Variants in PACRG observed in about 807,000 individuals in gnomAD.
The protein encoded by PACRG is parkin coregulated gene protein.
PACRG carries 29 observed loss-of-function variants against 29.7 expected under a neutral mutation model. The observed-to-expected ratio is 0.98, with a 90% CI of 0.73 to 1.33. The LOEUF is 1.33. Ranked by LOEUF, PACRG falls within the 40% of genes most tolerant of loss-of-function variation. PACRG has a pLI of 0.00. For synonymous variants in PACRG, 116 were observed against 118.7 expected (o/e 0.98, Z 0.15); for missense variants, 279 against 316.2 (o/e 0.88, Z 0.89).
rs772142901 is a variant in PACRG at position 162,728,316 on chromosome 6, G to A, written c.81G>A (p.Gln27=). Residue 27 remains glutamine, a synonymous_variant, in exon 1 of 5, where the codon CAG becomes CAA. Transcript: ENST00000366888. Reference sequence around the variant, plus strand: ...AGAGGACCAAGCTGCTGGCACAACAGCCGCTCCCGGTGCACCAGCCTCACT... The same window carrying A: ...AGAGGACCAAGCTGCTGGCACAACAACCGCTCCCGGTGCACCAGCCTCACT... ...MPKRTKLLAQ[Q]PLPVHQPHSL... 4 of 1,613,890 alleles carry A rather than the reference G, an allele frequency of 2.5e-6. No homozygotes were observed. The highest frequency in any genetic ancestry group is 3.4e-6 in the Non-Finnish European group (4 of 1,180,026).
chr6:162,874,151 A>AAATAT (rs67812561), intron 2 of PACRG, among the ~76,000 whole-genome samples: 18,530 of 135,826 alleles, frequency 0.14, 1,530 homozygotes, highest in Non-Finnish European at 0.17. Context: ...AAAAAAAAAA[A>AAATAT]ATATATATAT....
chr6:163,164,087 T>A (rs577818188), intron 4 of PACRG, among the ~76,000 whole-genome samples: 3 of 151,362 alleles, frequency 2.0e-5, no homozygotes, highest in African/African-American at 4.8e-5. Context: ...GTTCCACATT[T>A]AAAAAAAAAT....
chr6:162,888,425 G>A (rs913516010), intron 2 of PACRG, among the ~76,000 whole-genome samples: 61 of 152,152 alleles, frequency 4.0e-4, no homozygotes, highest in African/African-American at 1.4e-3. Context: ...CTGGGCTGCT[G>A]CTGGGGCTTG....
chr6:162,948,012 C>T (rs1307983357), intron 2 of PACRG, among the ~76,000 whole-genome samples: 4 of 151,794 alleles, frequency 2.6e-5, no homozygotes. Context: ...TATCAAAATA[C>T]CAATGTCATT....
At chr6:162,750,152 T>G (rs1438941054) in intron 1 of PACRG, among the ~76,000 whole-genome samples, 2 of 152,214 alleles carry the variant, frequency 1.3e-5, no homozygotes, top group Non-Finnish European at 2.9e-5. Context: ...TATGTCTGCC[T>G]TCACTTATTT....
chr6:163,119,260 A>G (rs1305672320), intron 4 of PACRG, among the ~76,000 whole-genome samples: 1 of 152,250 alleles, frequency 6.6e-6, no homozygotes, highest in East Asian at 1.9e-4. Context: ...GCCATGAGAT[A>G]TGCGAGCACG....
At chr6:163,125,099 G>A (rs549374837) in intron 4 of PACRG, among the ~76,000 whole-genome samples, 5 of 152,308 alleles carry the variant, frequency 3.3e-5, no homozygotes, top group African/African-American at 1.2e-4. Context: ...CTCCAAGAGT[G>A]TATGTGGGAA....
intron 4 of PACRG, among the ~76,000 whole-genome samples, chr6:163,090,477 G>C (rs1813998758): frequency 6.6e-6 from 1 of 152,206 alleles, no homozygotes. Flanking sequence ...TATCTGAAGA[G>C]CTGTGGGTAA....
At chr6:163,059,206 ATCTC>A (rs375883708) in intron 2 of PACRG, among the ~76,000 whole-genome samples, 5 of 152,152 alleles carry the variant, frequency 3.3e-5, no homozygotes, top group Admixed American at 6.5e-5. Context: ...CTCTTTCTCA[ATCTC>A]TCTCACTCGC....
chr6:163,145,569 T>C (rs1777760151), intron 4 of PACRG, among the ~76,000 whole-genome samples: 2 of 152,198 alleles, frequency 1.3e-5, no homozygotes, highest in South Asian at 2.1e-4. Context: ...GGATGTTTGG[T>C]TGCTCCCAGT....
At chr6:163,237,317 T>C (rs555799389) in intron 4 of PACRG, among the ~76,000 whole-genome samples, 91 of 152,324 alleles carry the variant, frequency 6.0e-4, no homozygotes, top group African/African-American at 2.1e-3. Context: ...ATAAAATATA[T>C]TGGGATTGCA....
At chr6:162,870,924 A>G (rs1204657714) in intron 2 of PACRG, among the ~76,000 whole-genome samples, 2 of 152,050 alleles carry the variant, frequency 1.3e-5, no homozygotes, top group African/African-American at 4.8e-5. Flanking sequence ...TGCATTGAAA[A>G]TTGACTGGGG....
intron 4 of PACRG, among the ~76,000 whole-genome samples, chr6:163,117,742 A>C (rs1585235760): frequency 7.1e-6 from 1 of 139,862 alleles, no homozygotes; most frequent in Non-Finnish European, 1.5e-5. Flanking sequence ...CAAGAACGAG[A>C]CTCTGTCTCA....
chr6:163,096,497 C>T (rs181542608), intron 4 of PACRG, among the ~76,000 whole-genome samples: 14 of 151,536 alleles, frequency 9.2e-5, no homozygotes, highest in East Asian at 5.9e-4. Context: ...AGCACTGAGG[C>T]GCAAAGGCTC....
chr6:163,137,609 C>T (rs920901455), intron 4 of PACRG, among the ~76,000 whole-genome samples: 1 of 152,142 alleles, frequency 6.6e-6, no homozygotes, highest in African/African-American at 2.4e-5. Flanking sequence ...TCCCTAATAC[C>T]CCGTGCTCCA....
intron 4 of PACRG, among the ~76,000 whole-genome samples, chr6:163,130,334 T>C (rs1430421780): frequency 6.6e-6 from 1 of 152,204 alleles, no homozygotes; most frequent in African/African-American, 2.4e-5. Flanking sequence ...CCTGGTCTTC[T>C]ATGCCCAACG....
chr6:163,179,603 G>A (rs1408785136), intron 4 of PACRG, among the ~76,000 whole-genome samples: 1 of 151,980 alleles, frequency 6.6e-6, no homozygotes, highest in Non-Finnish European at 1.5e-5. Flanking sequence ...CTACTCGGGA[G>A]GCCGAGATGG....
intron 2 of PACRG, among the ~76,000 whole-genome samples, chr6:163,010,883 C>A (rs986116419): frequency 1.3e-5 from 2 of 152,146 alleles, no homozygotes; most frequent in Non-Finnish European, 2.9e-5. Context: ...GAGCGCGGGC[C>A]CCTCCAGAGT....
At chr6:162,958,932 G>A (rs1800370050) in intron 2 of PACRG, among the ~76,000 whole-genome samples, 1 of 108,550 alleles carries the variant, frequency 9.2e-6, no homozygotes, top group Non-Finnish European at 1.8e-5. Flanking sequence ...GAGAGAGAGA[G>A]AGAGAGATGA....
Sources: gnomAD v4.1 joint callset for allele counts (sites outside exome capture counted in the v4.1 genomes callset) on GRCh38, gnomAD v4.1.1 for gene constraint, MANE v1.5 for transcripts, NCBI Gene and HGNC (gene_info 2026-07-23, HGNC 2026-07-21) for gene names.